XCR1: variants seen among roughly 807,000 people sequenced by gnomAD.
XCR1 encodes X-C motif chemokine receptor 1.
For missense variants in XCR1, 356 were observed against 424.2 expected (o/e 0.84, Z 1.41); for synonymous variants, 187 against 188.5 (o/e 0.99, Z 0.06).
upstream of XCR1, among the ~76,000 whole-genome samples, chr3:46,031,066 C>T (rs537576291): frequency 3.5e-4 from 53 of 152,326 alleles, no homozygotes; most frequent in Middle Eastern, 3.4e-3. Flanking sequence ...TCCACACAGC[C>T]GGCAGGAGCT....
At chr3:46,076,139 T>A (rs1049711592) in intron 2 of XCR1, among the ~76,000 whole-genome samples, 1 of 152,200 alleles carries the variant, frequency 6.6e-6, no homozygotes, top group Non-Finnish European at 1.5e-5. Flanking sequence ...AGTGATTCCA[T>A]GAGCAGCTAA....
intron 5 of XCR1, among the ~76,000 whole-genome samples, chr3:46,033,295 T>C (rs1231470936): frequency 6.6e-6 from 1 of 152,220 alleles, no homozygotes; most frequent in Non-Finnish European, 1.5e-5. Flanking sequence ...CCGGTGTTAC[T>C]TGCTAGAAGT....
upstream of XCR1, among the ~76,000 whole-genome samples, chr3:46,028,712 C>T (rs1460834916): frequency 6.6e-6 from 1 of 151,862 alleles, no homozygotes; most frequent in Non-Finnish European, 1.5e-5. Context: ...GCCTCAGCCT[C>T]CTAAGTAGCT....
At chr3:46,063,884 T>G (rs184582690) in intron 4 of XCR1, among the ~76,000 whole-genome samples, 8 of 152,320 alleles carry the variant, frequency 5.3e-5, no homozygotes, top group Admixed American at 5.2e-4. Context: ...TACTAATATT[T>G]TTTGAGACAG....
chr3:46,054,042 A>C lies in XCR1; in HGVS notation c.-154T>G, dbSNP rs149676056. ...CTCAAAGTCCCTTTTCTGGGGTGCC[A>C]CTATGTAACCCACATGGACCTAGGG... On this transcript the variant is annotated 5_prime_UTR_variant, in exon 5 of 6. Transcript: ENST00000683768. Among the ~76,000 whole-genome samples the C allele has an allele frequency of 3.9e-5, 6 of 152,230 alleles. No individual in the cohort carries two copies. The East Asian group carries it at 1.2e-3, about 29-fold the overall frequency.
intron 5 of XCR1, among the ~76,000 whole-genome samples, chr3:46,049,400 A>G (rs1697697355): frequency 6.6e-6 from 1 of 152,218 alleles, no homozygotes; most frequent in South Asian, 2.1e-4. Flanking sequence ...CTGCTTTCTC[A>G]TTACCTAGAG....
chr3:46,084,202 T>G (rs1184627587), intron 1 of XCR1, among the ~76,000 whole-genome samples: 2 of 152,148 alleles, frequency 1.3e-5, no homozygotes, highest in East Asian at 3.8e-4. Context: ...CACTCCCCCA[T>G]GTGGGACAGG....
intron 5 of XCR1, among the ~76,000 whole-genome samples, chr3:46,051,409 C>A (rs1432678814): frequency 6.6e-6 from 1 of 152,204 alleles, no homozygotes; most frequent in Non-Finnish European, 1.5e-5. Flanking sequence ...CTGTTGAACA[C>A]TTTGAGCTGT....
chr3:46,031,276 G>T (rs2102056), upstream of XCR1, among the ~76,000 whole-genome samples: 1 of 152,082 alleles, frequency 6.6e-6, no homozygotes, highest in Non-Finnish European at 1.5e-5. Context: ...CTGCACTGTC[G>T]GGGGCCTGGG....
chr3:46,085,729 CA>C (rs143469028), intron 1 of XCR1, among the ~76,000 whole-genome samples: 6,787 of 152,280 alleles, frequency 0.045, 190 homozygotes, highest in African/African-American at 0.08. Flanking sequence ...CCCATACATT[CA>C]GTCCAAACCT....
chr3:46,030,396 C>A (rs1037367938), upstream of XCR1, among the ~76,000 whole-genome samples: 6 of 152,132 alleles, frequency 3.9e-5, no homozygotes, highest in Non-Finnish European at 8.8e-5. Flanking sequence ...TTGTTAAATG[C>A]TTATTCTGCA....
At chr3:46,043,265 A>G (rs545475131) in intron 5 of XCR1, among the ~76,000 whole-genome samples, 2 of 152,132 alleles carry the variant, frequency 1.3e-5, no homozygotes, top group Non-Finnish European at 2.9e-5. Context: ...ACATGGAGAA[A>G]CCCCGTCTCT....
chr3:46,057,924 CTATCTATCTACG>C (rs1264470548), intron 4 of XCR1, among the ~76,000 whole-genome samples: 3 of 146,102 alleles, frequency 2.1e-5, no homozygotes, highest in East Asian at 2.0e-4. Context: ...ATCTATCTAT[CTATCTATCTACG>C]CATCCATCTA....
chr3:46,062,082 G>A lies in XCR1; in HGVS notation c.-183+4817C>T, dbSNP rs151186542. Among the ~76,000 whole-genome samples the A allele has an allele frequency of 5.9e-5, 9 of 152,274 alleles. No homozygotes were observed. In the East Asian group the frequency reaches 1.2e-3, roughly 20 times the overall value. On this transcript the variant is annotated intron_variant, in intron 4 of 5. Coordinates refer to the XCR1 transcript ENST00000683768. ...ACAGTGCCCATTACATACAGAAGAC[G>A]TTGAGTCAGCAGAATTGGGCCCAGG...
At chr3:46,045,694 A>G (rs939024850) in intron 5 of XCR1, among the ~76,000 whole-genome samples, 3 of 152,242 alleles carry the variant, frequency 2.0e-5, no homozygotes, top group Non-Finnish European at 4.4e-5. Context: ...CAGAATGGCT[A>G]TTAGTTAAAA....
At chr3:46,072,316 C>T (rs1470820277) in intron 3 of XCR1, among the ~76,000 whole-genome samples, 1 of 151,816 alleles carries the variant, frequency 6.6e-6, no homozygotes, top group African/African-American at 2.4e-5. Flanking sequence ...CCCAGCAGTT[C>T]GAGACCAGCC....
intron 1 of XCR1, among the ~76,000 whole-genome samples, chr3:46,024,506 AAT>A (rs1361561794): frequency 6.6e-6 from 1 of 152,220 alleles, no homozygotes; most frequent in Non-Finnish European, 1.5e-5. Context: ...AAATGTATAA[AAT>A]ATGTTATGTG....
chr3:46,083,964 A>T (rs1698425301), intron 1 of XCR1, among the ~76,000 whole-genome samples: 1 of 152,214 alleles, frequency 6.6e-6, no homozygotes, highest in South Asian at 2.1e-4. Flanking sequence ...TTTTGGTTCT[A>T]ATCCTATGTG....
At chr3:46,067,209 G>A (rs1451828196) in intron 3 of XCR1, among the ~76,000 whole-genome samples, 1 of 152,172 alleles carries the variant, frequency 6.6e-6, no homozygotes, top group Non-Finnish European at 1.5e-5. Context: ...CTATGTGAGG[G>A]GCAGGCTCTG....
Sources: gnomAD v4.1 joint callset for allele counts (sites outside exome capture counted in the v4.1 genomes callset) on GRCh38, gnomAD v4.1.1 for gene constraint, MANE v1.5 for transcripts, NCBI Gene and HGNC (gene_info 2026-07-23, HGNC 2026-07-21) for gene names.